Variants in PPP1R21 observed in about 807,000 individuals in gnomAD.
PPP1R21 encodes protein phosphatase 1 regulatory subunit 21, also known as KLRAQ motif containing 1.
A neutral mutation model predicts 112.8 loss-of-function variants in PPP1R21; 85 were observed. The observed-to-expected ratio is 0.75, with a 90% confidence interval of 0.63 to 0.90. PPP1R21 has a LOEUF of 0.90. Ranked by LOEUF, PPP1R21 falls within the 40% of genes least tolerant of loss-of-function variation. The pLI, the probability that PPP1R21 is intolerant of heterozygous loss-of-function variation, is 0.00. For missense variants in PPP1R21, 1,199 were observed against 901.5 expected (o/e 1.33, Z -4.23); for synonymous variants, 381 against 322.3 (o/e 1.18, Z -1.95).
chr2:48,447,586 T>C (rs1372539103), intron 1 of PPP1R21, among the ~76,000 whole-genome samples: 1 of 152,140 alleles, frequency 6.6e-6, no homozygotes, highest in Non-Finnish European at 1.5e-5. Context: ...TACCTACATC[T>C]AAAACAAAAA....
At chr2:48,460,548 A>G (rs2103800104) in intron 6 of PPP1R21, among the ~76,000 whole-genome samples, 1 of 152,372 alleles carries the variant, frequency 6.6e-6, no homozygotes, top group East Asian at 1.9e-4. Flanking sequence ...TTGGAGATAC[A>G]TAAATTTTAA....
At chr2:48,509,951 C>T in intron 19 of PPP1R21, 64 bp from the exon 20 acceptor site, 3 of 1,225,560 alleles carry the variant, frequency 2.4e-6, no homozygotes, top group African/African-American at 1.5e-5. Flanking sequence ...AACAAACTTT[C>T]CCGAAGCAAA....
chr2:48,469,350 CAT>C (rs1211626758), intron 9 of PPP1R21, among the ~76,000 whole-genome samples: 1 of 39,584 alleles, frequency 2.5e-5, no homozygotes, highest in Non-Finnish European at 4.8e-5. Flanking sequence ...ATATATATAG[CAT>C]ATATATATAG....
rs1482044857 is a variant in PPP1R21 at position 48,469,362 on chromosome 2, GAGCATATATATATAT to G, written c.898-1710_898-1696del. ...TATATATATATAGCATATATATATAGAGCATATATATATATAGCATATATATATAGAGCATATATA... is the reference window on the plus strand; with the variant it reads ...TATATATATATAGCATATATATATAGAGCATATATATATAGAGCATATATA... On this transcript the variant is annotated intron_variant, in intron 9 of 21. Coordinates refer to ENST00000294952, the MANE Select transcript of PPP1R21 (RefSeq NM_001135629.3). Among the ~76,000 whole-genome samples the G allele has an allele frequency of 1.2e-4, 8 of 67,304 alleles. No homozygotes were observed. In the East Asian group the frequency reaches 2.4e-3, roughly 20 times the overall value. 44.2% of individuals were successfully genotyped at this position (67,304 alleles called of 152,430 possible). A position where few individuals can be genotyped will look rare whatever the true frequency, so the allele number is the denominator to read the frequency against.
At chr2:48,513,303 C>A (rs1291111308) in intron 21 of PPP1R21, among the ~76,000 whole-genome samples, 1 of 151,680 alleles carries the variant, frequency 6.6e-6, no homozygotes, top group Non-Finnish European at 1.5e-5. Context: ...CTCCCAGGTT[C>A]AAGAGATTTT....
intron 9 of PPP1R21, among the ~76,000 whole-genome samples, chr2:48,469,388 T>G (rs1455417537): frequency 1.5e-5 from 1 of 67,206 alleles, no homozygotes; most frequent in South Asian, 3.9e-4. Context: ...AGCATATATA[T>G]ATAGAGCATA....
intron 7 of PPP1R21, 139 bp from the exon 8 acceptor site, chr2:48,464,798 C>G: frequency 1.8e-6 from 1 of 562,950 alleles, no homozygotes; most frequent in South Asian, 2.7e-5. Flanking sequence ...TATGTAAATT[C>G]CATTATTCTG....
chr2:48,502,817 A>G (rs540597672), intron 17 of PPP1R21, among the ~76,000 whole-genome samples: 112 of 150,766 alleles, frequency 7.4e-4, no homozygotes, highest in African/African-American at 2.7e-3. Context: ...AGTAGCTGGG[A>G]CTACAGGCGC....
intron 3 of PPP1R21, among the ~76,000 whole-genome samples, chr2:48,457,531 A>G (rs977613394): frequency 5.3e-5 from 8 of 152,216 alleles, no homozygotes; most frequent in African/African-American, 1.2e-4. Context: ...AAATAGTGCT[A>G]TTCTTCTATG....
Position 48,471,108 on chromosome 2 carries a change from A to G in PPP1R21, c.919A>G (p.Asn307Asp). ...NQKFSQYLHE[N>D]ASYVRPLEEG... ...TTAGTTCTCACAATACCTTCATGAA[A>G]ATGCGTCCTATGTCCGCCCTCTTGA... Residue 307 changes from asparagine (N) to aspartate (D), a missense_variant, in exon 10 of 22, where the codon AAT (asparagine) becomes GAT (aspartate). Transcript: ENST00000294952. 1.2e-6 allele frequency: 2 copies of G among 1,611,462 alleles called. No homozygotes were observed. Among genetic ancestry groups the G allele is most frequent in the Non-Finnish European group, 1.7e-6 (2 of 1,177,676 alleles).
chr2:48,493,290 C>G (rs1329927688), intron 15 of PPP1R21, among the ~76,000 whole-genome samples: 1 of 152,188 alleles, frequency 6.6e-6, no homozygotes, highest in East Asian at 1.9e-4. Context: ...CAGGCGTGAG[C>G]CACTGCGCCC....
In PPP1R21 at chr2:48,480,134, C is replaced by T. The variant is rs1015450609; in HGVS notation, c.1318+118C>T. On this transcript the variant is annotated intron_variant, in intron 13 of 21. Transcript: ENST00000294952. ...TAGACCCCAGATAAAGGCTTATTAG[C>T]ATTTGGCTTATGTTGAGTGCACAGC... is the stretch of plus-strand genomic sequence containing the variant. 6.8e-6 allele frequency: 5 copies of T among 740,398 alleles called. No homozygotes were observed. The African/African-American group carries it at 7.0e-5, about 10-fold the overall frequency. 45.9% of individuals were successfully genotyped at this position (740,398 alleles called of 1,614,324 possible). A position where few individuals can be genotyped will look rare whatever the true frequency, so the allele number is the denominator to read the frequency against.
chr2:48,506,968 A>T (rs1266309316), intron 18 of PPP1R21, among the ~76,000 whole-genome samples: 1 of 146,642 alleles, frequency 6.8e-6, no homozygotes, highest in African/African-American at 2.5e-5. Context: ...AAAAAAAGTC[A>T]GTTTTGTGGC....
chr2:48,502,169 T>C (rs1670147805), intron 17 of PPP1R21: 1 of 152,220 alleles, frequency 6.6e-6, no homozygotes, highest in Non-Finnish European at 1.5e-5. Flanking sequence ...TCTTTAGTAC[T>C]GAACACTATT....
chr2:48,456,388 G>C (rs1250256519), intron 3 of PPP1R21, among the ~76,000 whole-genome samples: 1 of 152,150 alleles, frequency 6.6e-6, no homozygotes, highest in African/African-American at 2.4e-5. Flanking sequence ...GGCACACAGT[G>C]ACTCTGAAGG....
At chr2:48,469,316 C>T (rs1421142091) in intron 9 of PPP1R21, among the ~76,000 whole-genome samples, 1 of 128,180 alleles carries the variant, frequency 7.8e-6, no homozygotes, top group Non-Finnish European at 1.6e-5. Flanking sequence ...TATACACACA[C>T]ACACATATAT....
At chr2:48,508,418 G>A (rs753057772) in intron 19 of PPP1R21, among the ~76,000 whole-genome samples, 46 of 152,224 alleles carry the variant, frequency 3.0e-4, no homozygotes, top group Non-Finnish European at 5.9e-4. Flanking sequence ...GTTGCTAAAA[G>A]TGAAGAGGGG....
rs113968014 is a variant in PPP1R21 at position 48,478,665 on chromosome 2, A to G, written c.1226-1259A>G. 1.5e-3 allele frequency among the ~76,000 whole-genome samples: 221 copies of G among 152,252 alleles called. 1 individual carries two copies. The highest frequency in any genetic ancestry group is 5.1e-3 in the African/African-American group (214 of 41,558). ...CACCTAGCAGGTAGAGTTTTTTGAG[A>G]TCAGTGTTTGCGCTTCATTCTGACC... On this transcript the variant is annotated intron_variant, in intron 12 of 21. Transcript: ENST00000294952.
At chr2:48,461,613 C>T (rs1667983049) in intron 7 of PPP1R21, among the ~76,000 whole-genome samples, 1 of 152,088 alleles carries the variant, frequency 6.6e-6, no homozygotes, top group Non-Finnish European at 1.5e-5. Context: ...ATGACTTACC[C>T]CTTGGTCAAT....
Sources: allele counts gnomAD v4.1 joint callset (sites outside exome capture counted in the v4.1 genomes callset), GRCh38; gene constraint gnomAD v4.1.1; transcripts MANE v1.5; gene names NCBI Gene and HGNC (gene_info 2026-07-23, HGNC 2026-07-21).